The following DPP6 variants were observed in gnomAD, a reference collection of about 807,000 sequenced individuals.
DPP6 encodes dipeptidyl peptidase like 6, also known as A-type potassium channel modulatory protein DPP6.
Under a neutral mutation model 122.6 loss-of-function variants are expected in DPP6, and 69 were observed. The observed-to-expected ratio is 0.56, with a 90% confidence interval of 0.46 to 0.69. The LOEUF (loss-of-function observed/expected upper bound fraction) is 0.69. DPP6 is among the 30% of genes least tolerant of loss of function. The pLI, the probability that DPP6 is intolerant of heterozygous loss-of-function variation, is 0.00. For synonymous variants in DPP6, 418 were observed against 433.1 expected (o/e 0.97, Z 0.43); for missense variants, 928 against 1,116.9 (o/e 0.83, Z 2.41).
chr7:154,155,427 A>G lies in DPP6; in HGVS notation c.243+102364A>G, dbSNP rs535461465. ...CCCTCCCTGCAGAGACAGGCAGGTCAGAGGCTGCATCTGTTAAATTAGGGT... is the reference window on the plus strand; with the variant it reads ...CCCTCCCTGCAGAGACAGGCAGGTCGGAGGCTGCATCTGTTAAATTAGGGT... On this transcript the variant is annotated intron_variant, in intron 1 of 25. Transcript: ENST00000377770. Among the ~76,000 whole-genome samples the G allele has an allele frequency of 9.3e-3, 1,414 of 152,302 alleles. 13 individuals are homozygous for G. Among genetic ancestry groups the G allele is most frequent in the Non-Finnish European group, 0.014 (958 of 68,018 alleles).
intron 17 of DPP6, among the ~76,000 whole-genome samples, chr7:154,867,748 G>C (rs912334735): frequency 1.3e-5 from 2 of 152,204 alleles, no homozygotes; most frequent in African/African-American, 4.8e-5. Flanking sequence ...GTGGGGGAAG[G>C]AGAAAGCCTA....
chr7:154,583,267 C>T (rs534226411), intron 5 of DPP6, among the ~76,000 whole-genome samples: 7 of 152,328 alleles, frequency 4.6e-5, no homozygotes, highest in South Asian at 2.1e-4. Flanking sequence ...GCCAGCAGGT[C>T]GGTTTCTGGT....
chr7:153,963,699 A>G (rs1250347820), intron 1 of DPP6, among the ~76,000 whole-genome samples: 2 of 152,142 alleles, frequency 1.3e-5, no homozygotes, highest in African/African-American at 4.8e-5. Flanking sequence ...TGCATGTGCA[A>G]GAGATCTGGG....
chr7:154,545,523 C>CCTTT (rs1829118281), intron 4 of DPP6, among the ~76,000 whole-genome samples: 1 of 140,034 alleles, frequency 7.1e-6, no homozygotes, highest in South Asian at 2.5e-4. Context: ...TTCCTTCCTT[C>CCTTT]CTTGTAGAAA....
chr7:154,636,470 T>C (rs1197895555), intron 5 of DPP6, among the ~76,000 whole-genome samples: 1 of 152,248 alleles, frequency 6.6e-6, no homozygotes, highest in African/African-American at 2.4e-5. Flanking sequence ...ATTAGATTGC[T>C]GTAGCAGCTC....
intron 1 of DPP6, among the ~76,000 whole-genome samples, chr7:154,194,267 A>T (rs1798754321): frequency 6.6e-6 from 1 of 152,184 alleles, no homozygotes; most frequent in Non-Finnish European, 1.5e-5. Context: ...AAAAATCTAG[A>T]TGTCAGAAAG....
the DPP6 span, among the ~76,000 whole-genome samples, chr7:153,833,469 T>A: frequency 6.6e-6 from 1 of 151,934 alleles, no homozygotes; most frequent in South Asian, 2.1e-4. Context: ...AGGTCAGGAG[T>A]TCGAGACCAG....
At chr7:153,756,377 T>C in the DPP6 span, among the ~76,000 whole-genome samples, 1 of 151,714 alleles carries the variant, frequency 6.6e-6, no homozygotes, top group Non-Finnish European at 1.5e-5. Context: ...ACGCAGTTAA[T>C]GAGAGAGCCA....
chr7:153,803,236 C>T, the DPP6 span, among the ~76,000 whole-genome samples: 51,513 of 139,792 alleles, frequency 0.37, 10,417 homozygotes, highest in Middle Eastern at 0.53. Flanking sequence ...CAAACAGTGA[C>T]GGTTAACTTA....
chr7:154,366,874 A>G (rs1245369441), intron 1 of DPP6, among the ~76,000 whole-genome samples: 2 of 152,240 alleles, frequency 1.3e-5, no homozygotes, highest in African/African-American at 4.8e-5. Context: ...GAAATTCCTC[A>G]GAACTGTCTT....
intron 1 of DPP6, among the ~76,000 whole-genome samples, chr7:153,988,603 T>C (rs553148631): frequency 6.6e-6 from 1 of 152,262 alleles, no homozygotes; most frequent in East Asian, 1.9e-4. Flanking sequence ...AAGGAGGGCA[T>C]CGGGGGATGC....
intron 4 of DPP6, among the ~76,000 whole-genome samples, chr7:154,549,107 A>G (rs532160953): frequency 3.9e-5 from 6 of 152,304 alleles, no homozygotes; most frequent in African/African-American, 1.4e-4. Flanking sequence ...TCTGTAGCAC[A>G]TGGAAAGGTG....
rs34565210 is a variant in DPP6 at position 153,913,353 on chromosome 7, G to A, written c.51+25619G>A. Among the ~76,000 whole-genome samples, 189 of 152,278 alleles carry A rather than the reference G, an allele frequency of 1.2e-3. 2 individuals carry two copies. Among genetic ancestry groups the A allele is most frequent in the Middle Eastern group, 3.4e-3 (1 of 294 alleles). On this transcript the variant is annotated intron_variant, in intron 1 of 25. Transcript: ENST00000404039. The stretch of plus-strand genomic sequence containing the variant: ...CTCCCAAAGTGCTGGGATTACAGGC[G>A]TGAGCCACTGCACCCGGCCAACATA...
chr7:154,429,813 C>T (rs926747664), intron 1 of DPP6, among the ~76,000 whole-genome samples: 4 of 152,078 alleles, frequency 2.6e-5, no homozygotes, highest in Non-Finnish European at 4.4e-5. Flanking sequence ...AGCAGTACCA[C>T]GTGTCTTATG....
the DPP6 span, among the ~76,000 whole-genome samples, chr7:153,819,021 A>G: frequency 1.5e-5 from 2 of 133,132 alleles, no homozygotes; most frequent in Non-Finnish European, 3.1e-5. Flanking sequence ...AATTGCTGGG[A>G]TTACAGGCAT....
chr7:154,175,599 G>A (rs1488847904), intron 1 of DPP6, among the ~76,000 whole-genome samples: 1 of 152,156 alleles, frequency 6.6e-6, no homozygotes, highest in Non-Finnish European at 1.5e-5. Context: ...TATAGTGGGT[G>A]TTGCCTTAAG....
chr7:154,280,426 C>G (rs939539960), intron 1 of DPP6, among the ~76,000 whole-genome samples: 1 of 152,128 alleles, frequency 6.6e-6, no homozygotes, highest in African/African-American at 2.4e-5. Flanking sequence ...CCCAAACTCC[C>G]CACTCACTGA....
At chr7:154,392,852 T>C (rs945764947) in intron 1 of DPP6, among the ~76,000 whole-genome samples, 4 of 152,134 alleles carry the variant, frequency 2.6e-5, no homozygotes, top group African/African-American at 9.7e-5. Flanking sequence ...CTCCCCAAAG[T>C]CCCATGGCAA....
chr7:153,787,242 G>A, the DPP6 span, among the ~76,000 whole-genome samples: 3 of 145,252 alleles, frequency 2.1e-5, no homozygotes, highest in South Asian at 2.3e-4. Flanking sequence ...GAGCCACTGC[G>A]CCCGGCCACG....
Sources: allele counts gnomAD v4.1 joint callset (sites outside exome capture counted in the v4.1 genomes callset), GRCh38; gene constraint gnomAD v4.1.1; transcripts MANE v1.5; gene names NCBI Gene and HGNC (gene_info 2026-07-23, HGNC 2026-07-21).